Variants in VPS8 observed in about 807,000 individuals in gnomAD.
The protein encoded by VPS8 is vacuolar protein sorting-associated protein 8 homolog.
In VPS8, 129 loss-of-function variants were observed where a neutral mutation model predicts 216.4. The ratio of observed to expected loss-of-function variants is 0.60; its 90% confidence interval spans 0.52 to 0.69. The LOEUF (loss-of-function observed/expected upper bound fraction) is 0.69. Among genes scored for constraint, VPS8 ranks in the 30% least tolerant of loss-of-function variants. The pLI, the probability that VPS8 is intolerant of heterozygous loss-of-function variation, is 0.00. For synonymous variants in VPS8, 571 were observed against 565.4 expected (o/e 1.01, Z -0.14); for missense variants, 1,531 against 1,683.5 (o/e 0.91, Z 1.59).
At chr3:185,026,380 C>A (rs929792929) in intron 46 of VPS8, among the ~76,000 whole-genome samples, 3 of 151,470 alleles carry the variant, frequency 2.0e-5, no homozygotes, top group Non-Finnish European at 4.4e-5. Context: ...AGAGTAAATT[C>A]CCCACAGATA....
chr3:184,930,619 C>A, intron 34 of VPS8, 51 bp downstream of exon 34: 1 of 1,381,292 alleles, frequency 7.2e-7, no homozygotes, highest in Non-Finnish European at 1.0e-6. Context: ...TCATCTAACC[C>A]AAGTTAACTT....
chr3:184,872,279 T>C (rs960299527), intron 21 of VPS8, among the ~76,000 whole-genome samples: 2 of 151,178 alleles, frequency 1.3e-5, no homozygotes, highest in African/African-American at 4.9e-5. Context: ...ATGGAATGAG[T>C]GTGTATGTGT....
chr3:184,812,775 T>A (rs1715423442), intron 1 of VPS8: 1 of 152,112 alleles, frequency 6.6e-6, no homozygotes, highest in African/African-American at 2.4e-5. Context: ...CCCTCCCCAC[T>A]CCCGGGCGGA....
intron 2 of VPS8, among the ~76,000 whole-genome samples, chr3:184,825,542 G>A (rs1211184478): frequency 1.3e-5 from 2 of 152,090 alleles, no homozygotes; most frequent in Non-Finnish European, 2.9e-5. Flanking sequence ...AGAAAATTAG[G>A]GGTTTTCTTA....
intron 42 of VPS8, among the ~76,000 whole-genome samples, chr3:184,986,039 CAAT>C (rs944708252): frequency 6.6e-5 from 10 of 152,234 alleles, no homozygotes; most frequent in African/African-American, 2.4e-4. Flanking sequence ...AGCATCTTTA[CAAT>C]AATTAACTTT....
At position 184,862,966 on chromosome 3, in the gene VPS8, C is replaced by G. The variant is rs1285303220; in HGVS notation, c.1294C>G (p.Gln432Glu). Residue 432 changes from glutamine to glutamate, a missense_variant, in exon 16 of 48, where the codon CAA (glutamine) becomes GAA (glutamate). Gln to Glu is a conservative substitution (Grantham distance 29, BLOSUM62 2). Transcript: ENST00000625842. ...EKLHVIDRQT[Q>E]EELETVEISE... ...GTTGCATGTGATTGATCGGCAAACA[C>G]AAGAGGAATTGGAGACAGTGGAGAT... The G allele has an allele frequency of 6.2e-7, 1 of 1,613,806 alleles. No homozygotes were observed. The highest frequency in any genetic ancestry group is 8.5e-7 in the Non-Finnish European group (1 of 1,179,840).
intron 1 of VPS8, among the ~76,000 whole-genome samples, chr3:184,821,377 T>G (rs541826671): frequency 6.6e-6 from 1 of 152,010 alleles, no homozygotes; most frequent in South Asian, 2.1e-4. Context: ...GGAGTCTTGC[T>G]CTGTTGCCCA....
At chr3:184,972,856 G>T (rs1748648470) in intron 40 of VPS8, among the ~76,000 whole-genome samples, 1 of 152,140 alleles carries the variant, frequency 6.6e-6, no homozygotes, top group African/African-American at 2.4e-5. Context: ...TGCCCTTCCA[G>T]GGCTCAGGCC....
At chr3:184,907,473 G>C (rs1449223244) in intron 25 of VPS8, among the ~76,000 whole-genome samples, 1 of 152,162 alleles carries the variant, frequency 6.6e-6, no homozygotes, top group Admixed American at 6.5e-5. Flanking sequence ...GATCAGGTTT[G>C]CCTGACATTA....
At position 185,040,643 on chromosome 3, in the gene VPS8, C is replaced by T. The variant is rs960589195; in HGVS notation, c.4057-7836C>T. Among the ~76,000 whole-genome samples the T allele has an allele frequency of 3.3e-5, 5 of 152,134 alleles. No individual in the cohort carries two copies. The East Asian group carries it at 9.6e-4, about 29-fold the overall frequency. ...CAAAATGACATCATCATCTTCCTTA[C>T]TCTACATTCTGTTTCTGTAAATGGA... On this transcript the variant is annotated intron_variant, in intron 46 of 47. Transcript: ENST00000625842.
intron 21 of VPS8, among the ~76,000 whole-genome samples, chr3:184,885,622 T>C (rs1731069900): frequency 6.6e-6 from 1 of 152,240 alleles, no homozygotes; most frequent in Non-Finnish European, 1.5e-5. Context: ...CTTATGGTTT[T>C]CTTTTTTTTG....
At chr3:185,051,820 C>T in intron 47 of VPS8, 56 bp from the exon 48 acceptor site, 1 of 1,495,254 alleles carries the variant, frequency 6.7e-7, no homozygotes, top group Non-Finnish European at 8.9e-7. Context: ...GATTCAGGAG[C>T]CTCTCTTCCC....
chr3:184,849,371 T>C, intron 9 of VPS8, 176 bp downstream of exon 9: 1 of 680,418 alleles, frequency 1.5e-6, no homozygotes. Flanking sequence ...ATAATTGTTA[T>C]CGACTGACCC....
At chr3:184,986,855 C>G (rs1318705033) in intron 42 of VPS8, among the ~76,000 whole-genome samples, 3 of 152,204 alleles carry the variant, frequency 2.0e-5, no homozygotes, top group African/African-American at 7.2e-5. Context: ...CTCCCACACT[C>G]AGTTTTGCCT....
rs1186155391 is a variant in VPS8 at position 184,961,774 on chromosome 3, T to C, written c.3184-2694T>C. On this transcript the variant is annotated intron_variant, in intron 37 of 47. Transcript: ENST00000625842. ...TTTTTGTTTTTGTTTTTTTTGTTTT[T>C]GTTCTTTTTTTAGACAGAGTCTCTC... 2.0e-5 allele frequency among the ~76,000 whole-genome samples: 3 copies of C among 151,912 alleles called. No homozygotes were observed. The East Asian group carries it at 5.8e-4, about 29-fold the overall frequency.
At chr3:184,900,848 G>A (rs1734351491) in intron 24 of VPS8, 73 bp from the exon 25 acceptor site, 3 of 1,323,380 alleles carry the variant, frequency 2.3e-6, no homozygotes, top group Non-Finnish European at 3.2e-6. Flanking sequence ...GTGATGAATA[G>A]CATAAGATTC....
intron 1 of VPS8, among the ~76,000 whole-genome samples, chr3:184,820,230 C>G (rs1336781625): frequency 6.6e-6 from 1 of 152,182 alleles, no homozygotes; most frequent in Non-Finnish European, 1.5e-5. Flanking sequence ...ATTAAGAGAT[C>G]AAGACGACTT....
At chr3:185,023,871 CT>C (rs1464815349) in intron 45 of VPS8, among the ~76,000 whole-genome samples, 1 of 152,088 alleles carries the variant, frequency 6.6e-6, no homozygotes, top group Non-Finnish European at 1.5e-5. Context: ...TCTTTTCTTC[CT>C]TGGACTAAAC....
chr3:184,832,623 A>T, intron 3 of VPS8, 66 bp from the exon 4 acceptor site: 1 of 1,442,988 alleles, frequency 6.9e-7, no homozygotes, highest in Non-Finnish European at 9.4e-7. Flanking sequence ...GAAACCCATT[A>T]ATGCCTGACT....
Sources: allele counts gnomAD v4.1 joint callset (sites outside exome capture counted in the v4.1 genomes callset), GRCh38; gene constraint gnomAD v4.1.1; transcripts MANE v1.5; gene names NCBI Gene and HGNC (gene_info 2026-07-23, HGNC 2026-07-21).